FAT3: variants seen among roughly 807,000 people sequenced by gnomAD.
The protein encoded by FAT3 is protocadherin Fat 3.
In FAT3, 95 loss-of-function variants were observed where a neutral mutation model predicts 310.2. That is an observed-to-expected ratio of 0.31 (90% CI 0.26 to 0.36). The LOEUF (loss-of-function observed/expected upper bound fraction) is 0.36. Among genes scored for constraint, FAT3 ranks in the 10% least tolerant of loss-of-function variants. The probability of loss-of-function intolerance (pLI) is 1.00; values close to 1 mark genes in which losing one functional copy is unlikely to be tolerated. For missense variants in FAT3, 5,408 were observed against 5,715.6 expected (o/e 0.95, Z 1.74); for synonymous variants, 2,314 against 2,192.9 (o/e 1.06, Z -1.54).
At chr11:92,418,108 G>C (rs143034166) in intron 2 of FAT3, among the ~76,000 whole-genome samples, 2 of 152,112 alleles carry the variant, frequency 1.3e-5, no homozygotes, top group African/African-American at 2.4e-5. Context: ...ATGAGTTTTT[G>C]TATGTAGATT....
At chr11:92,652,146 C>A (rs1942402807) in intron 3 of FAT3, among the ~76,000 whole-genome samples, 1 of 152,092 alleles carries the variant, frequency 6.6e-6, no homozygotes, top group Admixed American at 6.5e-5. Context: ...GGTTTAGTAA[C>A]AACCCCCCTC....
intron 2 of FAT3, among the ~76,000 whole-genome samples, chr11:92,490,442 G>A (rs1382382092): frequency 2.6e-5 from 4 of 152,108 alleles, no homozygotes; most frequent in African/African-American, 9.7e-5. Flanking sequence ...CTCTTAGGCT[G>A]TCTCCTCTCC....
At chr11:92,442,471 TATAA>T (rs760361214) in intron 2 of FAT3, among the ~76,000 whole-genome samples, 1 of 151,718 alleles carries the variant, frequency 6.6e-6, no homozygotes, top group African/African-American at 2.4e-5. Flanking sequence ...ATAATAAGTA[TATAA>T]ATAAATAAAT....
chr11:92,690,777 T>C (rs1367705895), intron 3 of FAT3, among the ~76,000 whole-genome samples: 1 of 152,176 alleles, frequency 6.6e-6, no homozygotes, highest in Non-Finnish European at 1.5e-5. Context: ...GATGTCCATA[T>C]GTAAATACTG....
chr11:92,226,729 G>A (rs997828641), intron 1 of FAT3, among the ~76,000 whole-genome samples: 1 of 152,042 alleles, frequency 6.6e-6, no homozygotes, highest in Non-Finnish European at 1.5e-5. Context: ...TCTGGCACGC[G>A]GAATCTGGTG....
chr11:92,449,118 T>G (rs1186610341), intron 2 of FAT3, among the ~76,000 whole-genome samples: 1 of 152,106 alleles, frequency 6.6e-6, no homozygotes, highest in Non-Finnish European at 1.5e-5. Context: ...TCATCCCTAT[T>G]TTGCAGACTG....
intron 3 of FAT3, among the ~76,000 whole-genome samples, chr11:92,590,106 T>G (rs1273450398): frequency 6.6e-6 from 1 of 152,126 alleles, no homozygotes; most frequent in African/African-American, 2.4e-5. Flanking sequence ...GAATTCAAGT[T>G]CTATGCGTGA....
At chr11:92,535,965 TA>T (rs1157750446) in intron 3 of FAT3, among the ~76,000 whole-genome samples, 7 of 152,182 alleles carry the variant, frequency 4.6e-5, no homozygotes, top group Non-Finnish European at 1.0e-4. Context: ...AGCACTTTTT[TA>T]AAAAAGCATT....
At chr11:92,736,290 T>C (rs552241970) in intron 4 of FAT3, among the ~76,000 whole-genome samples, 15 of 152,130 alleles carry the variant, frequency 9.9e-5, no homozygotes, top group Non-Finnish European at 2.1e-4. Context: ...TTTTGGGAAA[T>C]GATAAGGATA....
chr11:92,518,467 C>G (rs1269778182), intron 2 of FAT3, among the ~76,000 whole-genome samples: 1 of 151,968 alleles, frequency 6.6e-6, no homozygotes, highest in Admixed American at 6.6e-5. Context: ...ACAATGAGAA[C>G]ACATGGACAC....
At chr11:92,409,568 A>G (rs563904024) in intron 2 of FAT3, among the ~76,000 whole-genome samples, 2 of 152,126 alleles carry the variant, frequency 1.3e-5, no homozygotes, top group Non-Finnish European at 1.5e-5. Flanking sequence ...AGTTGGTGCT[A>G]TTTAATGTGA....
At chr11:92,621,868 A>C (rs1941102529) in intron 3 of FAT3, among the ~76,000 whole-genome samples, 2 of 152,208 alleles carry the variant, frequency 1.3e-5, no homozygotes, top group South Asian at 2.1e-4. Context: ...CCTTTATCAG[A>C]AACCCCTAGG....
chr11:92,493,634 C>T (rs928231762), intron 2 of FAT3, among the ~76,000 whole-genome samples: 6 of 152,038 alleles, frequency 3.9e-5, no homozygotes, highest in Non-Finnish European at 7.4e-5. Flanking sequence ...GTAATACTTA[C>T]AGTGTGTGTC....
At chr11:92,559,206 G>A (rs137860112) in intron 3 of FAT3, among the ~76,000 whole-genome samples, 7 of 151,920 alleles carry the variant, frequency 4.6e-5, no homozygotes, top group African/African-American at 1.7e-4. Context: ...TCAGTTCAAT[G>A]GTTTTTAGAT....
At chr11:92,375,962 T>G (rs1949331270) in intron 2 of FAT3, among the ~76,000 whole-genome samples, 1 of 152,250 alleles carries the variant, frequency 6.6e-6, no homozygotes, top group African/African-American at 2.4e-5. Flanking sequence ...ATGCAAACAC[T>G]TCTTTTCCCA....
intron 1 of FAT3, among the ~76,000 whole-genome samples, chr11:92,280,917 G>A (rs1946401939): frequency 6.6e-6 from 1 of 152,064 alleles, no homozygotes; most frequent in Admixed American, 6.6e-5. Context: ...CAAAACTCAA[G>A]CCAACTTCTT....
intron 4 of FAT3, among the ~76,000 whole-genome samples, chr11:92,715,001 G>A (rs534951863): frequency 6.6e-6 from 1 of 151,674 alleles, no homozygotes; most frequent in African/African-American, 2.4e-5. Context: ...AGTTTATGGG[G>A]TATGGGTTGT....
At position 92,468,342 on chromosome 11, in the gene FAT3, C is replaced by G. The variant is rs183944330; in HGVS notation, c.3293-56292C>G. Reference sequence around the variant, plus strand: ...CACATTTTCATATAATAAAATGCATCAAATTGGAATATGGTTGGCCTAACA... The same window carrying G: ...CACATTTTCATATAATAAAATGCATGAAATTGGAATATGGTTGGCCTAACA... On this transcript the variant is annotated intron_variant, in intron 2 of 27. Coordinates refer to ENST00000525166, the MANE Select transcript of FAT3 (RefSeq NM_001367949.2). 1.9e-3 allele frequency among the ~76,000 whole-genome samples: 295 copies of G among 152,272 alleles called. 3 individuals carry two copies. Among genetic ancestry groups the G allele is most frequent in the African/African-American group, 6.6e-3 (275 of 41,558 alleles).
intron 3 of FAT3, among the ~76,000 whole-genome samples, chr11:92,673,168 TA>T (rs1254429419): frequency 6.6e-6 from 1 of 152,208 alleles, no homozygotes; most frequent in African/African-American, 2.4e-5. Flanking sequence ...ATATTGATTT[TA>T]AAAAGGGAAT....
Sources: allele counts gnomAD v4.1 joint callset (sites outside exome capture counted in the v4.1 genomes callset), GRCh38; gene constraint gnomAD v4.1.1; transcripts MANE v1.5; gene names NCBI Gene and HGNC (gene_info 2026-07-23, HGNC 2026-07-21).